The following PALS2 variants were observed in gnomAD, a reference collection of about 807,000 sequenced individuals.
PALS2 encodes protein PALS2.
A neutral mutation model predicts 61.6 loss-of-function variants in PALS2; 27 were observed. That is an observed-to-expected ratio of 0.44 (90% CI 0.32 to 0.60). The LOEUF (loss-of-function observed/expected upper bound fraction) is 0.60, where lower values mean the gene tolerates loss of function less well. PALS2 is among the 20% of genes least tolerant of loss of function. The pLI is 0.05. For missense variants in PALS2, 554 were observed against 639.4 expected (o/e 0.87, Z 1.44); for synonymous variants, 236 against 218.6 (o/e 1.08, Z -0.70).
At chr7:24,642,185 A>T (rs1385431697) in intron 3 of PALS2, among the ~76,000 whole-genome samples, 1 of 152,066 alleles carries the variant, frequency 6.6e-6, no homozygotes, top group African/African-American at 2.4e-5. Context: ...ATGATAATGG[A>T]TTTTTTTCTT....
intron 1 of PALS2, among the ~76,000 whole-genome samples, chr7:24,575,484 C>T (rs1015434990): frequency 2.0e-5 from 3 of 152,114 alleles, no homozygotes; most frequent in Non-Finnish European, 1.5e-5. Flanking sequence ...TTCTCTCTTT[C>T]TCTCCCCACT....
chr7:24,659,294 G>A (rs998400877), intron 5 of PALS2, among the ~76,000 whole-genome samples: 1 of 152,150 alleles, frequency 6.6e-6, no homozygotes, highest in South Asian at 2.1e-4. Flanking sequence ...GTTGTGAAAA[G>A]TGCTATGATG....
Position 24,687,296 on chromosome 7 carries a change from C to G in PALS2, c.1447-142C>G, listed in dbSNP as rs1042570396. 3 of 628,456 alleles carry G rather than the reference C, an allele frequency of 4.8e-6. No homozygotes were observed. In the African/African-American group the frequency reaches 5.7e-5, roughly 12 times the overall value. 38.9% of individuals were successfully genotyped at this position (628,456 alleles called of 1,614,324 possible). A position where few individuals can be genotyped will look rare whatever the true frequency, so the allele number is the denominator to read the frequency against. On this transcript the variant is annotated intron_variant, in intron 11 of 11. Transcript: ENST00000222644. The surrounding 1 kb of genome is among the most constrained non-coding windows in gnomAD (Gnocchi z 4.5). ...ACAGATGGCAGTGTTGTCTTTAACA[C>G]TATATGGATTAGATTTTGAAGATTA...
chr7:24,592,351 G>A (rs994537015), intron 1 of PALS2, among the ~76,000 whole-genome samples: 1 of 152,062 alleles, frequency 6.6e-6, no homozygotes, highest in African/African-American at 2.4e-5. Flanking sequence ...TCTATGGAAT[G>A]GCAAATGGTC....
chr7:24,620,671 A>G (rs1784464384), intron 1 of PALS2, among the ~76,000 whole-genome samples: 1 of 152,152 alleles, frequency 6.6e-6, no homozygotes, highest in Non-Finnish European at 1.5e-5. Context: ...AACACTGACT[A>G]AACATTTGAT....
At chr7:24,607,513 ATGTGTATATATG>A in intron 1 of PALS2, among the ~76,000 whole-genome samples, 1 of 151,682 alleles carries the variant, frequency 6.6e-6, no homozygotes. Context: ...GTGTATATAT[ATGTGTATATATG>A]TGTGTGTATA....
chr7:24,621,343 G>A (rs976460009), intron 1 of PALS2, among the ~76,000 whole-genome samples: 1 of 152,014 alleles, frequency 6.6e-6, no homozygotes, highest in African/African-American at 2.4e-5. Flanking sequence ...ACAGGAAATA[G>A]GTCTGATAGA....
At chr7:24,588,025 G>A (rs1358944621) in intron 1 of PALS2, among the ~76,000 whole-genome samples, 5 of 152,090 alleles carry the variant, frequency 3.3e-5, no homozygotes, top group Non-Finnish European at 7.4e-5. Context: ...TCACACCTGG[G>A]GTGGGGTGCT....
At chr7:24,631,776 A>G (rs1335310672) in intron 2 of PALS2, among the ~76,000 whole-genome samples, 1 of 152,354 alleles carries the variant, frequency 6.6e-6, no homozygotes, top group African/African-American at 2.4e-5. Flanking sequence ...GACCTTACAC[A>G]GGCAAAAAGA....
intron 2 of PALS2, among the ~76,000 whole-genome samples, chr7:24,638,869 A>G (rs916970219): frequency 2.6e-5 from 4 of 152,194 alleles, no homozygotes; most frequent in Non-Finnish European, 5.9e-5. Context: ...CAAGTCATTG[A>G]TCATTTCTGT....
chr7:24,650,857 G>A (rs373082721), intron 5 of PALS2, 145 bp downstream of exon 5: 2 of 608,812 alleles, frequency 3.3e-6, no homozygotes, highest in Non-Finnish European at 5.4e-6. Flanking sequence ...TTTTGTCATG[G>A]GTGAATTTTT....
intron 2 of PALS2, among the ~76,000 whole-genome samples, chr7:24,627,989 A>G (rs759514946): frequency 4.6e-5 from 7 of 152,340 alleles, no homozygotes; most frequent in African/African-American, 1.4e-4. Flanking sequence ...AACAACAGAA[A>G]AAGAGAGACT....
Position 24,623,723 on chromosome 7 carries a change from A to G in PALS2, c.56A>G (p.Glu19Gly), listed in dbSNP as rs761495617. The change falls in exon 2 of 12, where the codon GAA becomes GGA. Residue 19 changes from glutamate to glycine, a missense_variant. Physicochemically the swap from Glu to Gly is moderately conservative, Grantham distance 98. Coordinates refer to ENST00000222644, the MANE Select transcript of PALS2 (RefSeq NM_001303037.2). The stretch of plus-strand genomic sequence containing the variant: ...CTGCCCTCGTCTACTGGAGCAGAAG[A>G]AATAGACCTAATTTTCCTCAAGGGA... ...TELPSSTGAE[E>G]IDLIFLKGIM... 4.3e-6 allele frequency: 7 copies of G among 1,610,008 alleles called. No individual in the cohort carries two copies. The East Asian group carries it at 1.6e-4, about 36-fold the overall frequency.
chr7:24,662,097 A>G (rs1016587991), intron 5 of PALS2, among the ~76,000 whole-genome samples: 1 of 152,210 alleles, frequency 6.6e-6, no homozygotes. Flanking sequence ...TCAGGAAAAA[A>G]ATTATTGACC....
chr7:24,615,337 G>A (rs898705635), intron 1 of PALS2, among the ~76,000 whole-genome samples: 1 of 151,468 alleles, frequency 6.6e-6, no homozygotes, highest in Non-Finnish European at 1.5e-5. Flanking sequence ...AAAAGAAGTT[G>A]GTTTTTTAAA....
At chr7:24,585,153 T>C (rs1783011088) in intron 1 of PALS2, among the ~76,000 whole-genome samples, 1 of 152,198 alleles carries the variant, frequency 6.6e-6, no homozygotes, top group Non-Finnish European at 1.5e-5. Context: ...TGGGCTCTTT[T>C]TTGGTTCCAT....
At chr7:24,576,476 A>G (rs1782646796) in intron 1 of PALS2, among the ~76,000 whole-genome samples, 1 of 152,222 alleles carries the variant, frequency 6.6e-6, no homozygotes, top group African/African-American at 2.4e-5. Flanking sequence ...AGTCTCAATC[A>G]AGGTGTTTAA....
At chr7:24,686,461 T>C (rs1397406433) in intron 11 of PALS2, among the ~76,000 whole-genome samples, 1 of 152,176 alleles carries the variant, frequency 6.6e-6, no homozygotes, top group Non-Finnish European at 1.5e-5. Flanking sequence ...TTCCTCTGGA[T>C]TTTGCCCTGC....
chr7:24,639,429 CA>C, intron 2 of PALS2, among the ~76,000 whole-genome samples: 1 of 151,898 alleles, frequency 6.6e-6, no homozygotes, highest in African/African-American at 2.4e-5. Flanking sequence ...CACACACACA[CA>C]CACTACTTAG....
Sources: gnomAD v4.1 joint callset for allele counts (sites outside exome capture counted in the v4.1 genomes callset) on GRCh38, gnomAD v4.1.1 for gene constraint, Gnocchi (gnomAD v3.1) non-coding constraint, MANE v1.5 for transcripts, NCBI Gene and HGNC (gene_info 2026-07-23, HGNC 2026-07-21) for gene names.